The following SMAD3 variants were observed in gnomAD, a reference collection of about 807,000 sequenced individuals.
SMAD3 encodes MAD homolog 3.
A neutral mutation model predicts 51.8 loss-of-function variants in SMAD3; 12 were observed. The observed-to-expected ratio is 0.23, with a 90% CI of 0.15 to 0.38. The LOEUF (loss-of-function observed/expected upper bound fraction) is 0.38, where lower values mean the gene tolerates loss of function less well. Ranked by LOEUF, SMAD3 falls within the 10% of genes least tolerant of loss-of-function variation. The pLI is 1.00. For synonymous variants in SMAD3, 238 were observed against 227.7 expected (o/e 1.05, Z -0.41); for missense variants, 294 against 565.6 (o/e 0.52, Z 4.87).
intron 1 of SMAD3, among the ~76,000 whole-genome samples, chr15:67,099,386 A>G (rs952290809): frequency 6.6e-6 from 1 of 152,246 alleles, no homozygotes; most frequent in Non-Finnish European, 1.5e-5. Context: ...TGGGAAAACC[A>G]TTTAAAGGAA....
intron 1 of SMAD3, among the ~76,000 whole-genome samples, chr15:67,079,429 A>G (rs1960237006): frequency 6.6e-6 from 1 of 152,164 alleles, no homozygotes; most frequent in African/African-American, 2.4e-5. Flanking sequence ...TTATATTGGA[A>G]TATGAGCTCG....
intron 1 of SMAD3, among the ~76,000 whole-genome samples, chr15:67,151,298 A>G (rs937991806): frequency 6.6e-6 from 1 of 151,850 alleles, no homozygotes; most frequent in East Asian, 1.9e-4. Flanking sequence ...ACAGTCTCCA[A>G]TAGCTCTTTC....
At chr15:67,188,524 T>C (rs1235617594) in intron 8 of SMAD3, among the ~76,000 whole-genome samples, 1 of 152,168 alleles carries the variant, frequency 6.6e-6, no homozygotes, top group Non-Finnish European at 1.5e-5. Context: ...TGCTTTGGGT[T>C]TAGAGAATCC....
intron 5 of SMAD3, among the ~76,000 whole-genome samples, chr15:67,176,028 C>A (rs780577777): frequency 3.3e-5 from 5 of 152,148 alleles, no homozygotes; most frequent in Non-Finnish European, 7.3e-5. Context: ...TGCCACTGTT[C>A]CTGGTTGCAG....
intron 1 of SMAD3, among the ~76,000 whole-genome samples, chr15:67,088,340 G>A (rs950273944): frequency 3.3e-5 from 5 of 152,314 alleles, no homozygotes; most frequent in Non-Finnish European, 5.9e-5. Context: ...GAGGTGGGTG[G>A]GCAGGGGCCT....
intron 1 of SMAD3, chr15:67,138,263 C>T (rs989430103): frequency 1.0e-5 from 6 of 601,080 alleles, no homozygotes; most frequent in Non-Finnish European, 5.9e-6. Flanking sequence ...TGTAGGAAAC[C>T]CCCTGTGTGG....
chr15:67,189,810 G>A (rs911501381), intron 8 of SMAD3, among the ~76,000 whole-genome samples: 4 of 152,086 alleles, frequency 2.6e-5, no homozygotes, highest in African/African-American at 9.7e-5. Context: ...CGTGTGGTGT[G>A]CCTTGTTTTT....
intron 1 of SMAD3, among the ~76,000 whole-genome samples, chr15:67,069,110 A>G (rs924543734): frequency 6.6e-6 from 1 of 152,176 alleles, no homozygotes; most frequent in Admixed American, 6.5e-5. Context: ...ACATTTGGCA[A>G]TTAGAGCTGT....
At chr15:67,165,186 G>A (rs896012069) in intron 2 of SMAD3, 67 bp from the exon 3 acceptor site, 2 of 1,613,356 alleles carry the variant, frequency 1.2e-6, no homozygotes, top group East Asian at 2.2e-5. Context: ...GCACTTGGGG[G>A]TGCGGGGACT....
chr15:67,073,559 TG>T (rs1390270332), intron 1 of SMAD3, among the ~76,000 whole-genome samples: 6 of 152,232 alleles, frequency 3.9e-5, no homozygotes, highest in African/African-American at 1.2e-4. Context: ...CTGTGTGACC[TG>T]GGACAAGTCA....
At chr15:67,149,535 T>C (rs1190927475) in intron 1 of SMAD3, among the ~76,000 whole-genome samples, 1 of 152,206 alleles carries the variant, frequency 6.6e-6, no homozygotes, top group African/African-American at 2.4e-5. Flanking sequence ...ACCCTGACAT[T>C]GTTAAGTGTG....
At chr15:67,170,418 TC>T in intron 4 of SMAD3, 135 bp from the exon 5 acceptor site, 1 of 754,396 alleles carries the variant, frequency 1.3e-6, no homozygotes. Flanking sequence ...GGCTAGGCCT[TC>T]TCCTGGGACC....
At chr15:67,127,469 C>T (rs1022305196) in intron 1 of SMAD3, among the ~76,000 whole-genome samples, 15 of 152,186 alleles carry the variant, frequency 9.9e-5, no homozygotes, top group African/African-American at 3.4e-4. Flanking sequence ...TCCTCTGAGC[C>T]GCACCCTGCA....
chr15:67,139,554 C>T (rs1368327169), intron 1 of SMAD3, among the ~76,000 whole-genome samples: 1 of 152,106 alleles, frequency 6.6e-6, no homozygotes, highest in Non-Finnish European at 1.5e-5. Context: ...TGTAGCAGCC[C>T]TGGTGGGTCC....
rs200525508 is a variant in SMAD3 at position 67,109,667 on chromosome 15, GA to G, written c.206+43310del. ...CACAAAGAAGGAAAAGCGAGAGGGG[GA>G]AACACACTTAATGGACAAGGGATGA... On this transcript the variant is annotated intron_variant, in intron 1 of 8. Coordinates refer to ENST00000327367, the MANE Select transcript of SMAD3 (RefSeq NM_005902.4). 2.2e-4 allele frequency among the ~76,000 whole-genome samples: 33 copies of G among 152,334 alleles called. No individual in the cohort carries two copies. In the East Asian group the frequency reaches 5.4e-3, roughly 25 times the overall value.
In SMAD3 at chr15:67,187,650, G is replaced by C. The variant is rs572574198; in HGVS notation, c.1154+141G>C. The C allele has an allele frequency of 3.0e-5, 33 of 1,093,152 alleles. No homozygotes were observed. The Middle Eastern group carries it at 6.8e-4, about 23-fold the overall frequency. The allele number at this position is 1,093,152 out of a possible 1,614,324, so 67.7% of individuals were successfully genotyped here. A position where few individuals can be genotyped will look rare whatever the true frequency, so the allele number is the denominator to read the frequency against. ...GACCAAAGATCAGAGAGAGGCCAAG[G>C]CCTGGCAGGCAGGAGGGGCCGGGCC... is the stretch of plus-strand genomic sequence containing the variant. On this transcript the variant is annotated intron_variant, in intron 8 of 8. Transcript: ENST00000327367.
intron 1 of SMAD3, among the ~76,000 whole-genome samples, chr15:67,156,177 A>G (rs1962278672): frequency 1.3e-5 from 2 of 152,138 alleles, no homozygotes; most frequent in Non-Finnish European, 2.9e-5. Flanking sequence ...TTCATTGGCA[A>G]CCCCAAGATC....
In SMAD3 at chr15:67,190,575, A is replaced by G. The variant is rs1963336857; in HGVS notation, c.*39A>G. 2 of 1,608,854 alleles carry G rather than the reference A, an allele frequency of 1.2e-6. No homozygotes were observed. Among genetic ancestry groups the G allele is most frequent in the Non-Finnish European group, 1.7e-6 (2 of 1,175,910 alleles). On this transcript the variant is annotated 3_prime_UTR_variant, in exon 9 of 9. Coordinates refer to ENST00000327367, the MANE Select transcript of SMAD3 (RefSeq NM_005902.4). The stretch of plus-strand genomic sequence containing the variant: ...GGTAGGGGAGGGCAGGCTTGGGGAA[A>G]ATGGCCATGCAGGAGGTGGAGAAAA...
Position 67,166,860 on chromosome 15 carries a change from C to T in SMAD3, c.607+7C>T, listed in dbSNP as rs200998367. The T allele has an allele frequency of 6.5e-5, 102 of 1,574,616 alleles. 1 individual carries two copies. The Admixed American group carries it at 1.2e-3, about 18-fold the overall frequency. On this transcript the variant is annotated splice_region_variant and intron_variant, in intron 4 of 8. Coordinates refer to ENST00000327367, the MANE Select transcript of SMAD3 (RefSeq NM_005902.4). Reference sequence around the variant, plus strand: ...AACCACAGCATGGACGCAGGTCAGTCATGCAGGGTCATGCTCTTATTCTTA... The same window carrying T: ...AACCACAGCATGGACGCAGGTCAGTTATGCAGGGTCATGCTCTTATTCTTA...
Sources: gnomAD v4.1 joint callset for allele counts (sites outside exome capture counted in the v4.1 genomes callset) on GRCh38, gnomAD v4.1.1 for gene constraint, MANE v1.5 for transcripts, NCBI Gene and HGNC (gene_info 2026-07-23, HGNC 2026-07-21) for gene names.